HNRNPR: variants seen among roughly 807,000 people sequenced by gnomAD.
HNRNPR encodes the protein heterogeneous nuclear ribonucleoprotein R.
HNRNPR carries 4 observed loss-of-function variants against 70.3 expected under a neutral mutation model. The ratio of observed to expected loss-of-function variants is 0.06; its 90% CI spans 0.03 to 0.13. HNRNPR has a LOEUF of 0.13. HNRNPR is among the 10% of genes least tolerant of loss of function. The pLI is 1.00. For missense variants in HNRNPR, 423 were observed against 788.5 expected (o/e 0.54, Z 5.55); for synonymous variants, 241 against 267.6 (o/e 0.90, Z 0.97).
intron 4 of HNRNPR, among the ~76,000 whole-genome samples, chr1:23,334,256 A>G (rs1277669397): frequency 5.5e-5 from 3 of 54,656 alleles, no homozygotes; most frequent in African/African-American, 1.6e-4. Flanking sequence ...TTTTTTTTTG[A>G]GACGGAGTCT....
chr1:23,319,711 T>TAC (rs1645683097), intron 7 of HNRNPR, among the ~76,000 whole-genome samples: 1 of 152,164 alleles, frequency 6.6e-6, no homozygotes, highest in South Asian at 2.1e-4. Flanking sequence ...CCCAACTCCT[T>TAC]ACATGGCCTA....
At chr1:23,331,117 T>C (rs543381849) in intron 5 of HNRNPR, among the ~76,000 whole-genome samples, 3 of 152,294 alleles carry the variant, frequency 2.0e-5, no homozygotes, top group African/African-American at 4.8e-5. Flanking sequence ...TGATCACATA[T>C]AGGGATTTTG....
At chr1:23,341,622 C>T (rs1444167631) in intron 1 of HNRNPR, among the ~76,000 whole-genome samples, 1 of 151,884 alleles carries the variant, frequency 6.6e-6, no homozygotes, top group African/African-American at 2.4e-5. Context: ...TTCGCTATTC[C>T]CACAGATTTA....
At position 23,309,571 on chromosome 1, in the gene HNRNPR, TGA is replaced by T. The variant is rs1258560216; in HGVS notation, c.*881_*882del. The T allele has an allele frequency of 6.6e-6, 1 of 152,218 alleles. No individual in the cohort carries two copies. Among genetic ancestry groups the T allele is most frequent in the Non-Finnish European group, 1.5e-5 (1 of 67,942 alleles). The allele number at this position is 152,218 out of a possible 1,614,324, so 9.4% of individuals were successfully genotyped here. On this transcript the variant is annotated 3_prime_UTR_variant, in exon 11 of 11. Transcript: ENST00000302271. ...AAAATTTCAAAATTAGAAGAGACTA[TGA>T]GAGAACACCAATCAATGAAAGTGCT...
Position 23,338,477 on chromosome 1 carries a change from G to A in HNRNPR, c.276+13C>T, listed in dbSNP as rs778044362. 11 of 1,061,544 alleles carry A rather than the reference G, an allele frequency of 1.0e-5. No individual in the cohort carries two copies. The highest frequency in any genetic ancestry group is 1.7e-5 in the South Asian group (1 of 59,426). The allele number at this position is 1,061,544 out of a possible 1,614,324, so 65.8% of individuals were successfully genotyped here. ...ACTAATTGTTCAAAGACATTTCTGA[G>A]TAACGACCTTACCTGAACATGTGAT... On this transcript the variant is annotated intron_variant, in intron 3 of 10. Coordinates refer to ENST00000302271, the MANE Select transcript of HNRNPR (RefSeq NM_005826.5).
chr1:23,340,808 CCTCA>C (rs1646681214), intron 2 of HNRNPR, 40 bp downstream of exon 2: 1 of 1,486,632 alleles, frequency 6.7e-7, no homozygotes. Context: ...AGTGGTTTGC[CCTCA>C]CTTTCATAAC....
chr1:23,312,843 T>C (rs529229996), intron 9 of HNRNPR, among the ~76,000 whole-genome samples: 8 of 152,156 alleles, frequency 5.3e-5, no homozygotes, highest in African/African-American at 1.7e-4. Context: ...AAGATTTTAG[T>C]AGTGTTTTGT....
intron 4 of HNRNPR, among the ~76,000 whole-genome samples, chr1:23,333,960 C>T (rs1044399746): frequency 6.6e-6 from 1 of 152,168 alleles, no homozygotes; most frequent in African/African-American, 2.4e-5. Context: ...GTTGCCCAGG[C>T]TGGAGTGCAG....
At chr1:23,327,701 T>G (rs1485627357) in intron 5 of HNRNPR, among the ~76,000 whole-genome samples, 1 of 151,460 alleles carries the variant, frequency 6.6e-6, no homozygotes, top group African/African-American at 2.4e-5. Flanking sequence ...AATAAATAAA[T>G]AAATAAATAA....
intron 6 of HNRNPR, 21 bp from the exon 7 acceptor site, chr1:23,321,684 G>C: frequency 6.3e-7 from 1 of 1,598,126 alleles, no homozygotes; most frequent in Non-Finnish European, 8.5e-7. Context: ...AAAAGAACCA[G>C]AGACCCCAAA....
chr1:23,311,326 T>TA lies in HNRNPR; in HGVS notation c.1168-5dup. The TA allele has an allele frequency of 1.3e-6, 2 of 1,549,050 alleles. No individual in the cohort carries two copies. Among genetic ancestry groups the TA allele is most frequent in the East Asian group, 2.3e-5 (1 of 44,362 alleles). On this transcript the variant is annotated splice_polypyrimidine_tract_variant and splice_region_variant and intron_variant, in intron 9 of 10. Transcript: ENST00000302271. ...TGCCATTCATTTCATCCATAGCCTA[T>TA]AAAAAATTAGAAAAATTATTTTACA...
At chr1:23,336,294 G>A (rs1291834517) in intron 4 of HNRNPR, among the ~76,000 whole-genome samples, 3 of 151,008 alleles carry the variant, frequency 2.0e-5, no homozygotes, top group Admixed American at 6.6e-5. Context: ...AGCCAGGCAC[G>A]GTGGCTCACG....
At chr1:23,340,503 A>C (rs1325233566) in intron 2 of HNRNPR, among the ~76,000 whole-genome samples, 1 of 152,202 alleles carries the variant, frequency 6.6e-6, no homozygotes, top group Non-Finnish European at 1.5e-5. Flanking sequence ...CACTTTAAGA[A>C]GGTAAAAGTA....
chr1:23,314,093 A>G (rs1168790959), intron 8 of HNRNPR, among the ~76,000 whole-genome samples: 1 of 152,206 alleles, frequency 6.6e-6, no homozygotes, highest in East Asian at 1.9e-4. Flanking sequence ...AGGAAAAAAA[A>G]GAGTGAAATT....
rs148280755 is a variant in HNRNPR at position 23,335,373 on chromosome 1, C to A, written c.385-1742G>T. ...CATAAATGTAATATAAAACAGGGGT[C>A]CCCACACCCCTGGGCCACAGACCCG... On this transcript the variant is annotated intron_variant, in intron 4 of 10. Coordinates refer to ENST00000302271, the MANE Select transcript of HNRNPR (RefSeq NM_005826.5). Among the ~76,000 whole-genome samples the A allele has an allele frequency of 8.5e-5, 13 of 152,336 alleles. No individual in the cohort carries two copies. The East Asian group carries it at 2.5e-3, about 29-fold the overall frequency.
chr1:23,324,996 C>T (rs1342296571), intron 5 of HNRNPR, among the ~76,000 whole-genome samples: 3 of 151,812 alleles, frequency 2.0e-5, no homozygotes, highest in South Asian at 2.1e-4. Context: ...AAAAATTAGC[C>T]GGGCGTGGTG....
Position 23,340,842 on chromosome 1 carries a change from C to T in HNRNPR, c.157+10G>A. On this transcript the variant is annotated intron_variant, in intron 2 of 10. Transcript: ENST00000302271. Reference sequence around the variant, plus strand: ...CATAACCAGTCAGAAACAAGAAATGCATATTATACCTGTCTGAAATATTTC... The same window carrying T: ...CATAACCAGTCAGAAACAAGAAATGTATATTATACCTGTCTGAAATATTTC... 2 of 1,592,200 alleles carry T rather than the reference C, an allele frequency of 1.3e-6. No homozygotes were observed. Among genetic ancestry groups the T allele is most frequent in the Middle Eastern group, 1.7e-4 (1 of 5,950 alleles).
intron 7 of HNRNPR, among the ~76,000 whole-genome samples, chr1:23,319,869 T>C (rs541117010): frequency 6.6e-6 from 1 of 152,340 alleles, no homozygotes; most frequent in Non-Finnish European, 1.5e-5. Context: ...CACTTCCTTT[T>C]GCTCTTTGTA....
intron 5 of HNRNPR, among the ~76,000 whole-genome samples, chr1:23,331,194 A>C (rs1646206417): frequency 6.6e-6 from 1 of 152,188 alleles, no homozygotes; most frequent in East Asian, 1.9e-4. Flanking sequence ...CTCCTAAAGG[A>C]ACAATGCAAT....
Sources: allele counts gnomAD v4.1 joint callset (sites outside exome capture counted in the v4.1 genomes callset), GRCh38; gene constraint gnomAD v4.1.1; transcripts MANE v1.5; gene names NCBI Gene and HGNC (gene_info 2026-07-23, HGNC 2026-07-21).